MIPOL1: variants seen among roughly 807,000 people sequenced by gnomAD.
MIPOL1 encodes the protein mirror-image polydactyly gene 1 protein.
Under a neutral mutation model 60.9 loss-of-function variants are expected in MIPOL1, and 57 were observed. That is an observed-to-expected ratio of 0.94 (90% CI 0.76 to 1.17). The LOEUF (loss-of-function observed/expected upper bound fraction) is 1.17, where lower values mean the gene tolerates loss of function less well. MIPOL1 is among the 50% of genes most tolerant of loss of function. The pLI, the probability that MIPOL1 is intolerant of heterozygous loss-of-function variation, is 0.00. For synonymous variants in MIPOL1, 179 were observed against 168.8 expected (o/e 1.06, Z -0.47); for missense variants, 551 against 511.6 (o/e 1.08, Z -0.74).
chr14:37,501,693 G>A (rs1566728572), intron 12 of MIPOL1: 1 of 152,068 alleles, frequency 6.6e-6, no homozygotes, highest in Non-Finnish European at 1.5e-5. Flanking sequence ...ACAGAAGATG[G>A]GTGATTTCTG....
At chr14:37,533,042 A>C (rs2153637112) in intron 12 of MIPOL1, among the ~76,000 whole-genome samples, 1 of 152,240 alleles carries the variant, frequency 6.6e-6, no homozygotes, top group Admixed American at 6.5e-5. Context: ...CATTTTCTAT[A>C]TTCTATGTTG....
chr14:37,221,445 G>T (rs553573215), intron 1 of MIPOL1, among the ~76,000 whole-genome samples: 1 of 152,250 alleles, frequency 6.6e-6, no homozygotes, highest in Admixed American at 6.5e-5. Context: ...GTGTTAGTCC[G>T]TTCTCACATT....
rs11415779 is a variant in MIPOL1, at chr14:37,403,432, C to CTTTTTT, written c.937-19407_937-19402dup. ...AGAATGTGATAAGAGAGGTTTCTAGCTTTTTTTTTTTTTTTTTTTTTCAAG... is the reference window on the plus strand; with the variant it reads ...AGAATGTGATAAGAGAGGTTTCTAGCTTTTTTTTTTTTTTTTTTTTTTTTTTTCAAG... On this transcript the variant is annotated intron_variant, in intron 10 of 12. Coordinates refer to ENST00000684589, the MANE Select transcript of MIPOL1 (RefSeq NM_001388067.1). Among the ~76,000 whole-genome samples, 17 of 94,128 alleles carry CTTTTTT rather than the reference C, an allele frequency of 1.8e-4. 1 individual carries two copies. Among genetic ancestry groups the CTTTTTT allele is most frequent in the East Asian group, 4.0e-4 (1 of 2,474 alleles). 61.8% of individuals were successfully genotyped at this position (94,128 alleles called of 152,430 possible). A position where few individuals can be genotyped will look rare whatever the true frequency, so the allele number is the denominator to read the frequency against.
intron 12 of MIPOL1, among the ~76,000 whole-genome samples, chr14:37,515,406 G>A (rs2095362084): frequency 6.6e-6 from 1 of 150,994 alleles, no homozygotes; most frequent in African/African-American, 2.4e-5. Context: ...ATGATATTTT[G>A]GAACCTACTA....
chr14:37,475,822 C>T lies in MIPOL1; in HGVS notation c.1032-24086C>T, dbSNP rs542538397. On this transcript the variant is annotated intron_variant, in intron 11 of 12. Transcript: ENST00000684589. ...TGCAACACAATGCTGTCTTGATTAC[C>T]ATAGCGGTATAGTAAGTCTTGAAGT... Among the ~76,000 whole-genome samples, 20 of 152,242 alleles carry T rather than the reference C, an allele frequency of 1.3e-4. No homozygotes were observed. The East Asian group carries it at 3.7e-3, about 28-fold the overall frequency.
At chr14:37,253,836 G>A (rs1003738615) in intron 3 of MIPOL1, among the ~76,000 whole-genome samples, 14 of 151,644 alleles carry the variant, frequency 9.2e-5, no homozygotes, top group African/African-American at 1.7e-4. Flanking sequence ...ATCTATTTTC[G>A]TCTGTATTGA....
At chr14:37,292,576 G>A (rs770457856) in intron 7 of MIPOL1, among the ~76,000 whole-genome samples, 6 of 143,364 alleles carry the variant, frequency 4.2e-5, no homozygotes, top group Non-Finnish European at 9.0e-5. Context: ...TGCCTCCTGG[G>A]TTCAAGCTAT....
At chr14:37,294,246 G>T (rs895733281) in intron 7 of MIPOL1, among the ~76,000 whole-genome samples, 101 of 152,152 alleles carry the variant, frequency 6.6e-4, no homozygotes, top group Admixed American at 2.3e-3. Flanking sequence ...GCAGCTCAGG[G>T]TCCTGACTGT....
At chr14:37,346,261 G>A (rs558141803) in intron 9 of MIPOL1, among the ~76,000 whole-genome samples, 24 of 152,250 alleles carry the variant, frequency 1.6e-4, no homozygotes, top group Non-Finnish European at 2.5e-4. Flanking sequence ...CCCAGGAGGC[G>A]AAGGTTATAG....
intron 12 of MIPOL1, among the ~76,000 whole-genome samples, chr14:37,521,450 T>A (rs962167632): frequency 2.0e-5 from 3 of 152,154 alleles, no homozygotes; most frequent in Admixed American, 1.3e-4. Flanking sequence ...AATTTATAGA[T>A]CTCGTGAAGA....
At chr14:37,296,833 AG>A (rs1209224001) in intron 7 of MIPOL1, among the ~76,000 whole-genome samples, 1 of 152,200 alleles carries the variant, frequency 6.6e-6, no homozygotes, top group East Asian at 1.9e-4. Context: ...AACCAAAAAA[AG>A]TCCAGGACCA....
chr14:37,471,938 G>A (rs2094694920), intron 11 of MIPOL1, among the ~76,000 whole-genome samples: 1 of 152,154 alleles, frequency 6.6e-6, no homozygotes, highest in Non-Finnish European at 1.5e-5. Context: ...CCAGCACATA[G>A]TAGTCACTCA....
At chr14:37,400,394 T>C (rs2093459957) in intron 10 of MIPOL1, 3 of 152,086 alleles carry the variant, frequency 2.0e-5, no homozygotes, top group African/African-American at 7.2e-5. Flanking sequence ...TTGAGTTTAT[T>C]TGAGTTTTCT....
chr14:37,476,774 G>C (rs376584669), intron 11 of MIPOL1, among the ~76,000 whole-genome samples: 2 of 151,814 alleles, frequency 1.3e-5, no homozygotes, highest in East Asian at 3.9e-4. Context: ...CCTGGAATAA[G>C]TCTCACTTGG....
chr14:37,493,681 A>G (rs1196789271), intron 11 of MIPOL1, among the ~76,000 whole-genome samples: 2 of 152,238 alleles, frequency 1.3e-5, no homozygotes, highest in South Asian at 2.1e-4. Context: ...TTAAATTTAT[A>G]AAGAATTATA....
intron 3 of MIPOL1, among the ~76,000 whole-genome samples, chr14:37,251,251 G>A (rs1974043709): frequency 6.6e-6 from 1 of 151,724 alleles, no homozygotes; most frequent in Non-Finnish European, 1.5e-5. Flanking sequence ...GGTTTGTAGG[G>A]GTTGGGGGGT....
chr14:37,200,884 G>A (rs1488554944), intron 1 of MIPOL1, among the ~76,000 whole-genome samples: 25 of 86,462 alleles, frequency 2.9e-4, no homozygotes, highest in South Asian at 1.8e-3. Context: ...GTGTGTGTGT[G>A]TGTGTGTGTG....
At chr14:37,340,276 AT>A (rs2090467614) in intron 9 of MIPOL1, among the ~76,000 whole-genome samples, 1 of 152,200 alleles carries the variant, frequency 6.6e-6, no homozygotes, top group African/African-American at 2.4e-5. Context: ...AAAAATAAAA[AT>A]TTGAAGACTA....
chr14:37,246,994 C>T (rs1220387534), intron 1 of MIPOL1, 109 bp from the exon 2 acceptor site: 1 of 152,138 alleles, frequency 6.6e-6, no homozygotes, highest in Non-Finnish European at 1.5e-5. Flanking sequence ...ATATGAATCT[C>T]TTATTAAAAT....
Sources: allele counts gnomAD v4.1 joint callset (sites outside exome capture counted in the v4.1 genomes callset), GRCh38; gene constraint gnomAD v4.1.1; transcripts MANE v1.5; gene names NCBI Gene and HGNC (gene_info 2026-07-23, HGNC 2026-07-21).